Variants in DCDC2 observed in about 807,000 individuals in gnomAD.
DCDC2 encodes doublecortin domain-containing protein 2.
Under a neutral mutation model 50.2 loss-of-function variants are expected in DCDC2, and 40 were observed. The ratio of observed to expected loss-of-function variants is 0.80; its 90% confidence interval spans 0.62 to 1.04. DCDC2 has a LOEUF of 1.04. DCDC2 is among the 50% of genes least tolerant of loss of function. The probability of loss-of-function intolerance (pLI) is 0.00; values close to 1 mark genes in which losing one functional copy is unlikely to be tolerated. For synonymous variants in DCDC2, 234 were observed against 210.6 expected (o/e 1.11, Z -0.96); for missense variants, 570 against 581.9 (o/e 0.98, Z 0.21).
chr6:24,290,033 G>T (rs1399463241), intron 5 of DCDC2, among the ~76,000 whole-genome samples: 1 of 117,394 alleles, frequency 8.5e-6, no homozygotes, highest in Non-Finnish European at 1.7e-5. Flanking sequence ...TCGCTCTGTC[G>T]CCCAGGCTGG....
intron 7 of DCDC2, among the ~76,000 whole-genome samples, chr6:24,210,786 C>T (rs1761850486): frequency 6.6e-6 from 1 of 152,230 alleles, no homozygotes; most frequent in South Asian, 2.1e-4. Flanking sequence ...ATCACATATA[C>T]AATCCAAGTT....
At chr6:24,236,079 A>G (rs1762434884) in intron 7 of DCDC2, among the ~76,000 whole-genome samples, 1 of 152,058 alleles carries the variant, frequency 6.6e-6, no homozygotes, top group South Asian at 2.1e-4. Context: ...TCATAGAATT[A>G]GGAAAAAAAA....
chr6:24,205,107 T>C lies in DCDC2; in HGVS notation c.923-5A>G. On this transcript the variant is annotated splice_region_variant and splice_polypyrimidine_tract_variant and intron_variant, in intron 7 of 9. Coordinates refer to ENST00000378454, the MANE Select transcript of DCDC2 (RefSeq NM_016356.5). ...CAGCTTTGAAAATGCCTTCATCTATTGAGACAAACACACAGTGAAAATCAA... is the reference window on the plus strand; with the variant it reads ...CAGCTTTGAAAATGCCTTCATCTATCGAGACAAACACACAGTGAAAATCAA... 1.2e-6 allele frequency: 2 copies of C among 1,614,164 alleles called. No individual in the cohort carries two copies. The highest frequency in any genetic ancestry group is 1.7e-6 in the Non-Finnish European group (2 of 1,179,996).
intron 8 of DCDC2, among the ~76,000 whole-genome samples, chr6:24,180,540 A>C (rs2113741145): frequency 6.6e-6 from 1 of 152,054 alleles, no homozygotes; most frequent in Non-Finnish European, 1.5e-5. Flanking sequence ...CACCTGCCTC[A>C]GCCTCCCAAA....
At chr6:24,183,176 TCA>T (rs759654995) in intron 8 of DCDC2, among the ~76,000 whole-genome samples, 7 of 152,298 alleles carry the variant, frequency 4.6e-5, no homozygotes, top group Non-Finnish European at 5.9e-5. Flanking sequence ...GTATGGAGTT[TCA>T]GTTTTGCAAG....
chr6:24,334,847 G>A lies in DCDC2; in HGVS notation c.348+18722C>T, dbSNP rs1452925775. On this transcript the variant is annotated intron_variant, in intron 2 of 9. Transcript: ENST00000378454. ...TGGTGGAAGATGCTGCATTTGAAAC[G>A]GGCTTTCTGGTTTCAGTGATGTATC... Among the ~76,000 whole-genome samples the A allele has an allele frequency of 2.6e-5, 4 of 152,238 alleles. No individual in the cohort carries two copies. The South Asian group carries it at 6.2e-4, about 24-fold the overall frequency.
At chr6:24,332,503 A>T (rs1759984271) in intron 2 of DCDC2, among the ~76,000 whole-genome samples, 1 of 152,114 alleles carries the variant, frequency 6.6e-6, no homozygotes, top group Non-Finnish European at 1.5e-5. Flanking sequence ...TCCAGCCTAC[A>T]GCTTTTAGAT....
chr6:24,185,385 T>C (rs1761168456), intron 8 of DCDC2, among the ~76,000 whole-genome samples: 1 of 152,180 alleles, frequency 6.6e-6, no homozygotes, highest in South Asian at 2.1e-4. Flanking sequence ...AAATGCAAGA[T>C]TATCGTGTTG....
intron 7 of DCDC2, among the ~76,000 whole-genome samples, chr6:24,274,628 A>G (rs1377380885): frequency 7.7e-6 from 1 of 129,246 alleles, no homozygotes; most frequent in Non-Finnish European, 1.7e-5. Context: ...AAAAAAAAAA[A>G]AGAAGAAAAG....
chr6:24,214,436 A>G (rs895837009), intron 7 of DCDC2, among the ~76,000 whole-genome samples: 7 of 152,084 alleles, frequency 4.6e-5, no homozygotes, highest in African/African-American at 1.4e-4. Flanking sequence ...CATGAAAATC[A>G]GAAATATTCA....
At chr6:24,225,007 C>G (rs2113778469) in intron 7 of DCDC2, among the ~76,000 whole-genome samples, 1 of 152,244 alleles carries the variant, frequency 6.6e-6, no homozygotes. Context: ...GTGTTTCCAT[C>G]AGATTGGTGC....
chr6:24,373,958 C>T, the DCDC2 span, among the ~76,000 whole-genome samples: 278 of 151,688 alleles, frequency 1.8e-3, 4 homozygotes, highest in African/African-American at 6.4e-3. Context: ...GTCAGGAGAT[C>T]GAGACCATCC....
intron 8 of DCDC2, among the ~76,000 whole-genome samples, chr6:24,179,741 T>A (rs1761017734): frequency 6.7e-6 from 1 of 148,892 alleles, no homozygotes; most frequent in Non-Finnish European, 1.5e-5. Context: ...GATCACGAGG[T>A]CAGGAGATTG....
chr6:24,329,975 T>A (rs902012145), intron 2 of DCDC2, among the ~76,000 whole-genome samples: 1 of 152,054 alleles, frequency 6.6e-6, no homozygotes, highest in African/African-American at 2.4e-5. Context: ...AAAGAAAAAA[T>A]TAGCTACTTT....
chr6:24,305,186 T>C (rs941072405), intron 2 of DCDC2, among the ~76,000 whole-genome samples: 23 of 152,228 alleles, frequency 1.5e-4, no homozygotes, highest in African/African-American at 5.1e-4. Context: ...GAAATAATTA[T>C]GTAATTTGAT....
chr6:24,241,679 C>T (rs1387014043), intron 7 of DCDC2, among the ~76,000 whole-genome samples: 2 of 152,170 alleles, frequency 1.3e-5, no homozygotes, highest in Non-Finnish European at 2.9e-5. Context: ...AAAAGACTCA[C>T]AAAGCATTTA....
chr6:24,198,167 C>A (rs1487135546), intron 8 of DCDC2, among the ~76,000 whole-genome samples: 1 of 152,038 alleles, frequency 6.6e-6, no homozygotes, highest in Non-Finnish European at 1.5e-5. Context: ...TCTCAAGGAC[C>A]CTAAAGGCAA....
At chr6:24,219,135 T>C (rs886065117) in intron 7 of DCDC2, among the ~76,000 whole-genome samples, 1 of 152,204 alleles carries the variant, frequency 6.6e-6, no homozygotes, top group Non-Finnish European at 1.5e-5. Flanking sequence ...TTTATATACT[T>C]CCAGACACAA....
intron 7 of DCDC2, among the ~76,000 whole-genome samples, chr6:24,264,912 T>TA (rs915640375): frequency 1.4e-4 from 20 of 143,792 alleles, no homozygotes; most frequent in African/African-American, 4.6e-4. Flanking sequence ...AAACTGAAAA[T>TA]AAAGGGATAC....
Sources: allele counts gnomAD v4.1 joint callset (sites outside exome capture counted in the v4.1 genomes callset), GRCh38; gene constraint gnomAD v4.1.1; transcripts MANE v1.5; gene names NCBI Gene and HGNC (gene_info 2026-07-23, HGNC 2026-07-21).